Variants in MBP observed in about 807,000 individuals in gnomAD.
MBP encodes the protein myelin basic protein.
A neutral mutation model predicts 35.8 loss-of-function variants in MBP; 16 were observed. That is an observed-to-expected ratio of 0.45 (90% CI 0.30 to 0.68). The LOEUF is 0.68. Ranked by LOEUF, MBP falls within the 30% of genes least tolerant of loss-of-function variation. The pLI is 0.08. For missense variants in MBP, 380 were observed against 404.7 expected, an observed-to-expected ratio of 0.94 and a Z score of 0.52; for synonymous variants, 143 against 159.6, an observed-to-expected ratio of 0.90 and a Z score of 0.78.
At chr18:76,996,649 A>T (rs1661996525) in intron 4 of MBP, among the ~76,000 whole-genome samples, 1 of 152,054 alleles carries the variant, frequency 6.6e-6, no homozygotes, top group South Asian at 2.1e-4. Flanking sequence ...GGTCTTATTT[A>T]TATGACATGC....
At chr18:76,986,155 T>C (rs1969548435) in intron 7 of MBP, 1 of 985,410 alleles carries the variant, frequency 1.0e-6, no homozygotes. Flanking sequence ...GCTGTTAGCT[T>C]TTCAGGGATC....
intron 7 of MBP, chr18:76,987,178 C>A: frequency 3.0e-6 from 3 of 985,348 alleles, no homozygotes; most frequent in Non-Finnish European, 2.4e-6. Context: ...TCCGGCACGA[C>A]GGCCCCAAAG....
At chr18:77,112,325 G>A (rs1359503105) in intron 1 of MBP, among the ~76,000 whole-genome samples, 1 of 152,184 alleles carries the variant, frequency 6.6e-6, no homozygotes. Context: ...CCGTCATCCC[G>A]TTCCCACCTT....
chr18:77,024,377 T>A (rs898414682), intron 3 of MBP, among the ~76,000 whole-genome samples: 1 of 152,246 alleles, frequency 6.6e-6, no homozygotes, highest in African/African-American at 2.4e-5. Flanking sequence ...GAATTCTGTT[T>A]AGAAATTAAT....
chr18:77,089,513 AG>A (rs1430377946), intron 2 of MBP, among the ~76,000 whole-genome samples: 3 of 152,218 alleles, frequency 2.0e-5, no homozygotes, highest in African/African-American at 7.2e-5. Context: ...AGAAGCCCTG[AG>A]GGGCAGCAGG....
intron 2 of MBP, among the ~76,000 whole-genome samples, chr18:77,089,827 G>T (rs2145010603): frequency 6.6e-6 from 1 of 152,296 alleles, no homozygotes; most frequent in Non-Finnish European, 1.5e-5. Flanking sequence ...GTGATGAGAA[G>T]TCAGTTCAGG....
intron 2 of MBP, among the ~76,000 whole-genome samples, chr18:77,068,412 C>T (rs11660481): frequency 0.1 from 15,945 of 152,192 alleles, 1,061 homozygotes; most frequent in Non-Finnish European, 0.15. Context: ...GAGGAAGTCC[C>T]GTCTGCTTTA....
Position 77,017,235 on chromosome 18 carries a change from G to C in MBP, c.173C>G (p.Ser58Cys). ...GTCAGTCACCGCTGTGTCCTGAGAG[G>C]AGGTCCCATTGTTCTGGTTCGCATC... ...EADANQNNGT[S>C]SQDTAVTDSK... Residue 58 changes from serine to cysteine, a missense_variant, in exon 4 of 9, where the codon TCC (serine) becomes TGC (cysteine). Transcript: ENST00000355994. 1 of 1,515,872 alleles carries C rather than the reference G, an allele frequency of 6.6e-7. No homozygotes were observed. Among genetic ancestry groups the C allele is most frequent in the African/African-American group, 1.4e-5 (1 of 71,780 alleles). The allele number at this position is 1,515,872 out of a possible 1,614,324, so 93.9% of individuals were successfully genotyped here. A position where few individuals can be genotyped will look rare whatever the true frequency, so the allele number is the denominator to read the frequency against.
intron 2 of MBP, among the ~76,000 whole-genome samples, chr18:77,086,699 T>C (rs1975249746): frequency 6.6e-6 from 1 of 152,254 alleles, no homozygotes; most frequent in East Asian, 1.9e-4. Flanking sequence ...CTTTATAGTT[T>C]AATGCACATT....
chr18:77,080,552 G>A (rs1974849682), intron 2 of MBP, among the ~76,000 whole-genome samples: 1 of 152,206 alleles, frequency 6.6e-6, no homozygotes, highest in South Asian at 2.1e-4. Flanking sequence ...GTCCCGTAGG[G>A]GCAAATCACA....
Position 77,046,623 on chromosome 18 carries a change from G to A in MBP, c.139+19675C>T, listed in dbSNP as rs539811114. Among the ~76,000 whole-genome samples, 6 of 152,350 alleles carry A rather than the reference G, an allele frequency of 3.9e-5. No individual in the cohort carries two copies. In the South Asian group the frequency reaches 1.2e-3, roughly 32 times the overall value. On this transcript the variant is annotated intron_variant, in intron 3 of 8. Transcript: ENST00000355994. ...GCAGGGGCAAGGCCAGGGCCGGGCC[G>A]ACCCTTTCAGATGTGCCTGGGGAGG...
Position 77,101,030 on chromosome 18 carries a change from A to G in MBP, c.51+4181T>C, listed in dbSNP as rs537976316. On this transcript the variant is annotated intron_variant, in intron 2 of 8. Transcript: ENST00000355994. The surrounding 1 kb of genome is among the most constrained non-coding windows in gnomAD (Gnocchi z 4.3). ...TTCTGAGCGCTTGCTGACCCTCCCA[A>G]AGGTAACTGCCCAGCCCCTTTGATT... is the stretch of plus-strand genomic sequence containing the variant. Among the ~76,000 whole-genome samples, 3 of 152,292 alleles carry G rather than the reference A, an allele frequency of 2.0e-5. No homozygotes were observed. In the East Asian group the frequency reaches 5.8e-4, roughly 29 times the overall value.
At chr18:77,118,802 A>G (rs1235584494) in intron 1 of MBP, among the ~76,000 whole-genome samples, 1 of 148,994 alleles carries the variant, frequency 6.7e-6, no homozygotes, top group African/African-American at 2.5e-5. Flanking sequence ...CACCCCCTAC[A>G]CACTATACGC....
intron 1 of MBP, among the ~76,000 whole-genome samples, chr18:77,121,881 AAC>A (rs1344072081): frequency 6.6e-6 from 1 of 152,224 alleles, no homozygotes; most frequent in African/African-American, 2.4e-5. Flanking sequence ...AAACACCTGG[AAC>A]ACACAGCCTG....
Position 76,989,942 on chromosome 18 carries a change from C to A in MBP, c.681+14G>T, listed in dbSNP as rs374512592. 1 of 1,604,188 alleles carries A rather than the reference C, an allele frequency of 6.2e-7. No individual in the cohort carries two copies. The highest frequency in any genetic ancestry group is 1.7e-5 in the Admixed American group (1 of 60,006). ...CCTCACAGTTGCTACCTCTTCCCAT[C>A]GATCGTCACTTACAATGTTCTTGAA... On this transcript the variant is annotated intron_variant, in intron 5 of 8. Transcript: ENST00000355994. This position sits in a 1 kb window ranked among gnomAD's most constrained non-coding sequence, Gnocchi z 4.0.
chr18:77,100,511 GTGTGTGTGTGTGT>G (rs1568339765), intron 2 of MBP, among the ~76,000 whole-genome samples: 7 of 52,314 alleles, frequency 1.3e-4, no homozygotes, highest in Non-Finnish European at 1.3e-4. Flanking sequence ...AATTTGGGGT[GTGTGTGTGTGTGT>G]GTGTGTGTGT....
At chr18:77,014,209 G>A (rs1482220707) in intron 4 of MBP, 1 of 985,320 alleles carries the variant, frequency 1.0e-6, no homozygotes, top group Non-Finnish European at 1.2e-6. Context: ...TCAGCTCCCA[G>A]CAACACAAGC....
rs150315432 is a variant in MBP at position 77,055,666 on chromosome 18, T to C, written c.139+10632A>G. Among the ~76,000 whole-genome samples, 4 of 152,256 alleles carry C rather than the reference T, an allele frequency of 2.6e-5. No homozygotes were observed. The East Asian group carries it at 5.8e-4, about 22-fold the overall frequency. ...TCTGCTGGTGGGCTGCTATCTTTCA[T>C]AGGATAACTTCCATTATTGCTTTAA... On this transcript the variant is annotated intron_variant, in intron 3 of 8. Coordinates refer to ENST00000355994, the MANE Select transcript of MBP (RefSeq NM_001025101.2).
At chr18:77,118,072 T>G (rs1455975330) in intron 1 of MBP, among the ~76,000 whole-genome samples, 1 of 17,144 alleles carries the variant, frequency 5.8e-5, no homozygotes, top group Admixed American at 5.9e-4. Flanking sequence ...ATGGGGACAG[T>G]GGGTTGGGGC....
Sources: allele counts gnomAD v4.1 joint callset (sites outside exome capture counted in the v4.1 genomes callset), GRCh38; gene constraint gnomAD v4.1.1; non-coding constraint Gnocchi (gnomAD v3.1); transcripts MANE v1.5; gene names NCBI Gene and HGNC (gene_info 2026-07-23, HGNC 2026-07-21).